The following SYCP1 variants were observed in gnomAD, a reference collection of about 807,000 sequenced individuals.
SYCP1 encodes cancer/testis antigen 8.
Under a neutral mutation model 153.1 loss-of-function variants are expected in SYCP1, and 64 were observed. The ratio of observed to expected loss-of-function variants is 0.42; its 90% CI spans 0.34 to 0.51. SYCP1 has a LOEUF of 0.51. Among genes scored for constraint, SYCP1 ranks in the 20% least tolerant of loss-of-function variants. The probability of loss-of-function intolerance (pLI) is 0.06; values close to 1 mark genes in which losing one functional copy is unlikely to be tolerated. For synonymous variants in SYCP1, 384 were observed against 341.8 expected, an observed-to-expected ratio of 1.12 and a Z score of -1.36; for missense variants, 997 against 1,049.0, an observed-to-expected ratio of 0.95 and a Z score of 0.68.
intron 27 of SYCP1, among the ~76,000 whole-genome samples, chr1:114,970,544 C>T (rs748191868): frequency 3.3e-5 from 5 of 150,848 alleles, no homozygotes; most frequent in African/African-American, 4.9e-5. Context: ...TAGACTATGT[C>T]AGAGGAAAGA....
intron 27 of SYCP1, among the ~76,000 whole-genome samples, chr1:114,962,938 C>T (rs933360775): frequency 6.6e-6 from 1 of 152,150 alleles, no homozygotes; most frequent in Non-Finnish European, 1.5e-5. Context: ...AGCTTAGTTA[C>T]ACTGGATACA....
At chr1:114,899,623 C>A (rs1667286842) in intron 16 of SYCP1, among the ~76,000 whole-genome samples, 1 of 152,156 alleles carries the variant, frequency 6.6e-6, no homozygotes, top group South Asian at 2.1e-4. Context: ...ATTAGAAACA[C>A]AATTGACAAA....
At chr1:114,905,460 C>G (rs1235575295) in intron 16 of SYCP1, among the ~76,000 whole-genome samples, 4 of 152,090 alleles carry the variant, frequency 2.6e-5, no homozygotes, top group Admixed American at 1.3e-4. Context: ...AGAAATATGT[C>G]CTAAGGGCAG....
intron 15 of SYCP1, among the ~76,000 whole-genome samples, chr1:114,889,320 C>G (rs1346844395): frequency 6.6e-6 from 1 of 152,210 alleles, no homozygotes; most frequent in African/African-American, 2.4e-5. Context: ...ACACTCCCAA[C>G]AGTGTAAAAG....
At chr1:114,959,364 C>G (rs1004125309) in intron 27 of SYCP1, among the ~76,000 whole-genome samples, 2 of 152,050 alleles carry the variant, frequency 1.3e-5, no homozygotes, top group Admixed American at 1.3e-4. Context: ...ATTTGGTTTG[C>G]TAGCATTTTG....
chr1:114,866,015 A>AT (rs1446110567), intron 8 of SYCP1, among the ~76,000 whole-genome samples: 2 of 152,128 alleles, frequency 1.3e-5, no homozygotes, highest in African/African-American at 2.4e-5. Flanking sequence ...TTGATAGCTC[A>AT]TTTTTTAAGC....
At chr1:114,936,851 C>A (rs1244864535) in intron 23 of SYCP1, among the ~76,000 whole-genome samples, 6 of 152,092 alleles carry the variant, frequency 3.9e-5, no homozygotes. Flanking sequence ...ATGCGAAGGA[C>A]CTCTTCAAGG....
intron 27 of SYCP1, among the ~76,000 whole-genome samples, chr1:114,965,924 G>A (rs1432818261): frequency 1.3e-5 from 2 of 152,116 alleles, no homozygotes; most frequent in African/African-American, 4.8e-5. Context: ...AATGGTACCG[G>A]CTCCTCTTTG....
intron 16 of SYCP1, among the ~76,000 whole-genome samples, chr1:114,904,462 A>T (rs968153535): frequency 2.0e-4 from 30 of 152,150 alleles, no homozygotes; most frequent in Admixed American, 2.0e-3. Flanking sequence ...TGAAATTTTT[A>T]TTGGAATTGT....
chr1:114,991,574 C>A (rs1673924280), intron 30 of SYCP1, among the ~76,000 whole-genome samples: 1 of 151,484 alleles, frequency 6.6e-6, no homozygotes. Flanking sequence ...CATCGTGATG[C>A]AAAAAAAGGT....
At chr1:114,890,853 C>T (rs764976991) in intron 15 of SYCP1, among the ~76,000 whole-genome samples, 11 of 152,122 alleles carry the variant, frequency 7.2e-5, no homozygotes, top group Non-Finnish European at 1.6e-4. Flanking sequence ...TCATTTGAAT[C>T]TTTTCCTTTT....
At chr1:114,934,684 AC>A (rs879750005) in intron 23 of SYCP1, among the ~76,000 whole-genome samples, 14 of 152,210 alleles carry the variant, frequency 9.2e-5, no homozygotes, top group Non-Finnish European at 1.5e-4. Context: ...GCAGAGACAC[AC>A]AGGATCAGAA....
At chr1:114,954,155 A>G (rs901549507) in intron 27 of SYCP1, among the ~76,000 whole-genome samples, 3 of 152,334 alleles carry the variant, frequency 2.0e-5, no homozygotes, top group Middle Eastern at 3.4e-3. Flanking sequence ...ACGTTATAGA[A>G]GATTCAATCA....
rs570314026 is a variant in SYCP1 at position 114,912,957 on chromosome 1, T to A, written c.1530-76T>A. The A allele has an allele frequency of 3.7e-5, 37 of 997,140 alleles. No homozygotes were observed. In the Admixed American group the frequency reaches 5.7e-4, roughly 15 times the overall value. The allele number at this position is 997,140 out of a possible 1,614,324, so 61.8% of individuals were successfully genotyped here. On this transcript the variant is annotated intron_variant, in intron 18 of 31. Transcript: ENST00000369522. ...AGCCCTTCATCCCTTTCCCCTATCA[T>A]TATGTTGAATAAAATTCCATATTAT...
At chr1:114,889,658 T>G (rs138727663) in intron 15 of SYCP1, among the ~76,000 whole-genome samples, 9,374 of 152,278 alleles carry the variant, frequency 0.062, 325 homozygotes, top group Middle Eastern at 0.14. Context: ...AGGTTGCCTG[T>G]TCACTCTGAT....
chr1:114,914,193 C>A, intron 20 of SYCP1, 148 bp downstream of exon 20: 3 of 566,866 alleles, frequency 5.3e-6, no homozygotes, highest in Non-Finnish European at 8.6e-6. Context: ...TGGAATCCTG[C>A]TTAAAAATAA....
At chr1:114,949,904 T>G (rs549637328) in intron 27 of SYCP1, among the ~76,000 whole-genome samples, 323 of 152,322 alleles carry the variant, frequency 2.1e-3, no homozygotes, top group African/African-American at 7.5e-3. Context: ...CATCGTATTG[T>G]GTTTCTTTCT....
chr1:114,980,798 A>T (rs1052961601), intron 28 of SYCP1, among the ~76,000 whole-genome samples: 1 of 151,734 alleles, frequency 6.6e-6, no homozygotes, highest in East Asian at 1.9e-4. Context: ...TTTTATTTTA[A>T]GTTCAGGGGT....
intron 16 of SYCP1, among the ~76,000 whole-genome samples, chr1:114,900,782 A>C (rs565978436): frequency 6.6e-6 from 1 of 152,348 alleles, no homozygotes; most frequent in African/African-American, 2.4e-5. Flanking sequence ...GGGTGTGGTT[A>C]GTTCCATATG....
Sources: gnomAD v4.1 joint callset for allele counts (sites outside exome capture counted in the v4.1 genomes callset) on GRCh38, gnomAD v4.1.1 for gene constraint, MANE v1.5 for transcripts, NCBI Gene and HGNC (gene_info 2026-07-23, HGNC 2026-07-21) for gene names.